The following CDH9 variants were observed in gnomAD, a reference collection of about 807,000 sequenced individuals.
The protein encoded by CDH9 is cadherin-9.
In CDH9, 28 loss-of-function variants were observed where a neutral mutation model predicts 70.9. The observed-to-expected ratio is 0.40, with a 90% confidence interval of 0.29 to 0.54. The LOEUF (loss-of-function observed/expected upper bound fraction) is 0.54, where lower values mean the gene tolerates loss of function less well. Ranked by LOEUF, CDH9 falls within the 20% of genes least tolerant of loss-of-function variation. CDH9 has a pLI of 0.59. For missense variants in CDH9, 874 were observed against 984.4 expected (o/e 0.89, Z 1.50); for synonymous variants, 409 against 343.1 (o/e 1.19, Z -2.12).
intron 1 of CDH9, among the ~76,000 whole-genome samples, chr5:27,014,225 G>GTGGGTAC (rs1242306349): frequency 1.3e-5 from 2 of 152,056 alleles, no homozygotes; most frequent in East Asian, 3.9e-4. Context: ...CTTCCTGACA[G>GTGGGTAC]TACCCAATCA....
At chr5:26,925,276 G>T (rs1358044835) in intron 2 of CDH9, among the ~76,000 whole-genome samples, 2 of 152,082 alleles carry the variant, frequency 1.3e-5, no homozygotes, top group African/African-American at 4.8e-5. Flanking sequence ...TCGTGGTTTT[G>T]ATTTGCATTT....
intron 1 of CDH9, among the ~76,000 whole-genome samples, chr5:26,988,741 T>C (rs1020570115): frequency 3.3e-5 from 5 of 152,086 alleles, no homozygotes; most frequent in African/African-American, 1.2e-4. Context: ...CTAATAAAAG[T>C]AGAATATTTA....
intron 2 of CDH9, among the ~76,000 whole-genome samples, chr5:26,941,299 A>G (rs1233625709): frequency 6.6e-6 from 1 of 152,200 alleles, no homozygotes; most frequent in African/African-American, 2.4e-5. Flanking sequence ...TTGCTATGTC[A>G]TCAACGGTAA....
chr5:26,914,508 A>T (rs1741115144), intron 3 of CDH9, among the ~76,000 whole-genome samples: 1 of 151,984 alleles, frequency 6.6e-6, no homozygotes, highest in Non-Finnish European at 1.5e-5. Context: ...TAATTTGATA[A>T]ATTCCTTTTG....
intron 2 of CDH9, among the ~76,000 whole-genome samples, chr5:26,934,643 C>T (rs1206241293): frequency 6.6e-6 from 1 of 152,016 alleles, no homozygotes; most frequent in Non-Finnish European, 1.5e-5. Flanking sequence ...CCATTCTGTG[C>T]CACAAATTTG....
At chr5:26,950,029 G>T in intron 2 of CDH9, among the ~76,000 whole-genome samples, 1 of 152,098 alleles carries the variant, frequency 6.6e-6, no homozygotes, top group East Asian at 1.9e-4. Context: ...AAGTGTAGTG[G>T]GACATCAGAG....
intron 1 of CDH9, among the ~76,000 whole-genome samples, chr5:26,988,905 A>G (rs961872047): frequency 1.3e-5 from 2 of 152,062 alleles, no homozygotes; most frequent in Admixed American, 1.3e-4. Context: ...AAGGCAAATT[A>G]TATGGTACCA....
At chr5:26,974,430 T>G (rs974258194) in intron 2 of CDH9, among the ~76,000 whole-genome samples, 1 of 152,116 alleles carries the variant, frequency 6.6e-6, no homozygotes. Flanking sequence ...ATCTCCTATC[T>G]TGTGTTTAAT....
chr5:27,032,305 G>A (rs573668218), intron 1 of CDH9, among the ~76,000 whole-genome samples: 1 of 151,458 alleles, frequency 6.6e-6, no homozygotes. Flanking sequence ...TATTGTCAGT[G>A]ATTGTATTAG....
chr5:26,893,399 A>T (rs1458005644), intron 7 of CDH9, among the ~76,000 whole-genome samples: 1 of 152,156 alleles, frequency 6.6e-6, no homozygotes, highest in Non-Finnish European at 1.5e-5. Flanking sequence ...AGTACATGGA[A>T]CCAGTTCAGT....
chr5:26,952,921 A>AAAAGC (rs1554000078), intron 2 of CDH9, among the ~76,000 whole-genome samples: 2,943 of 129,002 alleles, frequency 0.023, 144 homozygotes, highest in African/African-American at 0.08. Context: ...AAAAAAAAAA[A>AAAAGC]AGTTTAAAGA....
intron 3 of CDH9, among the ~76,000 whole-genome samples, chr5:26,908,803 A>C (rs1740994703): frequency 6.6e-6 from 1 of 152,180 alleles, no homozygotes; most frequent in Admixed American, 6.5e-5. Context: ...AATAATTAAG[A>C]ATGCTTTTAA....
At chr5:26,907,503 G>T (rs766056140) in intron 3 of CDH9, among the ~76,000 whole-genome samples, 1 of 151,972 alleles carries the variant, frequency 6.6e-6, no homozygotes, top group Non-Finnish European at 1.5e-5. Flanking sequence ...TTCTCCAAAA[G>T]AAGATCTAAA....
intron 1 of CDH9, among the ~76,000 whole-genome samples, chr5:26,997,706 AT>A (rs200225543): frequency 5.1e-4 from 76 of 148,214 alleles, no homozygotes; most frequent in East Asian, 2.6e-3. Context: ...ACAAATGGTA[AT>A]TTTTTTTTTT....
chr5:26,947,603 T>C (rs1437424097), intron 2 of CDH9, among the ~76,000 whole-genome samples: 3 of 152,168 alleles, frequency 2.0e-5, no homozygotes, highest in Non-Finnish European at 2.9e-5. Flanking sequence ...ACATGAGATA[T>C]TTATGAACCT....
intron 2 of CDH9, among the ~76,000 whole-genome samples, chr5:26,948,006 G>A (rs11957500): frequency 0.081 from 12,290 of 151,872 alleles, 1,663 homozygotes; most frequent in African/African-American, 0.28. Flanking sequence ...ACCGAGAGTC[G>A]AAACTTCTCC....
intron 1 of CDH9, among the ~76,000 whole-genome samples, chr5:26,988,693 T>C (rs1742530472): frequency 6.6e-6 from 1 of 152,046 alleles, no homozygotes; most frequent in Non-Finnish European, 1.5e-5. Context: ...TTCTACAGCA[T>C]ACATATTATC....
At chr5:26,946,894 TACCATCAGGAGTCAGGCAA>T (rs1413551894) in intron 2 of CDH9, among the ~76,000 whole-genome samples, 1 of 152,168 alleles carries the variant, frequency 6.6e-6, no homozygotes, top group Non-Finnish European at 1.5e-5. Flanking sequence ...TCTAGATAAA[TACCATCAGGAGTCAGGCAA>T]ACCCTCACTG....
rs1302344436 is a variant in CDH9, at chr5:26,968,703, T to TATTAATAAGTATTA, written c.228+19402_228+19403insTAATACTTATTAAT. Among the ~76,000 whole-genome samples, 965 of 152,272 alleles carry TATTAATAAGTATTA rather than the reference T, an allele frequency of 6.3e-3. 9 individuals are homozygous for TATTAATAAGTATTA. The highest frequency in any genetic ancestry group is 0.022 in the African/African-American group (907 of 41,556). ...GTATGATATTAATATAATAAGCATTTCAGTATGGTTGGGGGGCAAATCTTT... is the reference window on the plus strand; with the variant it reads ...GTATGATATTAATATAATAAGCATTTATTAATAAGTATTACAGTATGGTTGGGGGGCAAATCTTT... On this transcript the variant is annotated intron_variant, in intron 2 of 11. Transcript: ENST00000231021.
Sources: gnomAD v4.1 joint callset for allele counts (sites outside exome capture counted in the v4.1 genomes callset) on GRCh38, gnomAD v4.1.1 for gene constraint, MANE v1.5 for transcripts, NCBI Gene and HGNC (gene_info 2026-07-23, HGNC 2026-07-21) for gene names.